The following AIG1 variants were observed in gnomAD, a reference collection of about 807,000 sequenced individuals.
AIG1 encodes androgen-induced gene 1 protein.
Under a neutral mutation model 31.4 loss-of-function variants are expected in AIG1, and 23 were observed. That is an observed-to-expected ratio of 0.73 (90% CI 0.53 to 1.04). The LOEUF (loss-of-function observed/expected upper bound fraction) is 1.04, where lower values mean the gene tolerates loss of function less well. AIG1 is among the 50% of genes least tolerant of loss of function. The pLI is 0.00. For missense variants in AIG1, 274 were observed against 295.0 expected (o/e 0.93, Z 0.52); for synonymous variants, 100 against 110.5 (o/e 0.90, Z 0.60).
At chr6:143,285,569 G>A (rs1274012360) in intron 4 of AIG1, among the ~76,000 whole-genome samples, 2 of 151,670 alleles carry the variant, frequency 1.3e-5, no homozygotes, top group Non-Finnish European at 2.9e-5. Flanking sequence ...AGGCTGAGGT[G>A]TTAAGAATCT....
At chr6:143,254,027 CG>C (rs1439437179) in intron 3 of AIG1, among the ~76,000 whole-genome samples, 1 of 152,178 alleles carries the variant, frequency 6.6e-6, no homozygotes, top group African/African-American at 2.4e-5. Context: ...TCAGCTCCCA[CG>C]GACCGTTTCC....
intron 1 of AIG1, among the ~76,000 whole-genome samples, chr6:143,089,920 G>A (rs920647965): frequency 6.6e-6 from 1 of 152,180 alleles, no homozygotes; most frequent in Non-Finnish European, 1.5e-5. Context: ...GTTTTGGAAG[G>A]ATCAAACTTT....
intron 1 of AIG1, among the ~76,000 whole-genome samples, chr6:143,106,354 C>G (rs1472234132): frequency 6.6e-6 from 1 of 152,152 alleles, no homozygotes; most frequent in Non-Finnish European, 1.5e-5. Context: ...CTTCTGGCCC[C>G]CAAAACTGTG....
intron 4 of AIG1, among the ~76,000 whole-genome samples, chr6:143,314,183 T>TTA (rs1775534961): frequency 3.2e-5 from 2 of 62,262 alleles, no homozygotes; most frequent in Admixed American, 4.7e-4. Context: ...AACCCATCTC[T>TTA]TAAAAAAAAA....
chr6:143,115,172 C>G (rs1420042181), intron 1 of AIG1, among the ~76,000 whole-genome samples: 1 of 152,190 alleles, frequency 6.6e-6, no homozygotes, highest in East Asian at 1.9e-4. Context: ...ACTAAACATT[C>G]TTATGCAGAA....
intron 1 of AIG1, 126 bp downstream of exon 1, chr6:143,061,192 C>A: frequency 8.5e-7 from 1 of 1,173,074 alleles, no homozygotes; most frequent in Non-Finnish European, 1.3e-6. Flanking sequence ...AGCATCCACC[C>A]GTGTCCTCGC....
chr6:143,076,442 ACTTAT>A (rs1777733045), intron 1 of AIG1, among the ~76,000 whole-genome samples: 1 of 152,074 alleles, frequency 6.6e-6, no homozygotes, highest in African/African-American at 2.4e-5. Context: ...TTTACTTTTA[ACTTAT>A]CTTTATAAAC....
chr6:143,263,699 T>A (rs1795965122), intron 3 of AIG1, among the ~76,000 whole-genome samples: 1 of 152,212 alleles, frequency 6.6e-6, no homozygotes, highest in Admixed American at 6.5e-5. Flanking sequence ...TAAATATGTT[T>A]TGATGTTCTT....
At chr6:143,101,764 T>G (rs1312001035) in intron 1 of AIG1, among the ~76,000 whole-genome samples, 1 of 152,116 alleles carries the variant, frequency 6.6e-6, no homozygotes, top group African/African-American at 2.4e-5. Context: ...AAAGAACTTA[T>G]TCATGTAACG....
At chr6:143,162,709 C>G (rs908280486) in intron 2 of AIG1, among the ~76,000 whole-genome samples, 1 of 152,154 alleles carries the variant, frequency 6.6e-6, no homozygotes, top group Non-Finnish European at 1.5e-5. Flanking sequence ...ACCTTTGGTC[C>G]TCACCCTCCA....
At position 143,330,377 on chromosome 6, in the gene AIG1, G is replaced by A. The variant is rs958356756; in HGVS notation, c.516-2905G>A. ...AAAGGTGACATTTGAGTGAAAACCC[G>A]AAGGACACAAGGGAGCCCAAGGGGA... On this transcript the variant is annotated intron_variant, in intron 4 of 5. Coordinates refer to ENST00000357847, the MANE Select transcript of AIG1 (RefSeq NM_016108.4). This position sits in a 1 kb window ranked among gnomAD's most constrained non-coding sequence, Gnocchi z 4.4. Among the ~76,000 whole-genome samples the A allele has an allele frequency of 2.0e-5, 3 of 152,136 alleles. No individual in the cohort carries two copies. The highest frequency in any genetic ancestry group is 2.9e-5 in the Non-Finnish European group (2 of 68,016).
At chr6:143,130,199 G>A (rs992464237) in intron 1 of AIG1, among the ~76,000 whole-genome samples, 1 of 151,782 alleles carries the variant, frequency 6.6e-6, no homozygotes, top group Non-Finnish European at 1.5e-5. Context: ...AAAGTGCTGG[G>A]ATTATAGGTG....
In AIG1 at chr6:143,246,388, AAG is replaced by A. The variant is rs558336950; in HGVS notation, c.400-37717_400-37716del. ...TCTTACATGGGTGGCAGCAGGCAAA[AAG>A]AGAGCCTGTGCAGGGAAACTCCCCC... is the stretch of plus-strand genomic sequence containing the variant. On this transcript the variant is annotated intron_variant, in intron 3 of 5. Transcript: ENST00000357847. Among the ~76,000 whole-genome samples the A allele has an allele frequency of 2.4e-3, 365 of 152,266 alleles. 1 individual carries two copies. Among genetic ancestry groups the A allele is most frequent in the African/African-American group, 8.2e-3 (340 of 41,558 alleles).
intron 3 of AIG1, among the ~76,000 whole-genome samples, chr6:143,246,879 T>C (rs1342055213): frequency 6.6e-6 from 1 of 152,024 alleles, no homozygotes; most frequent in Admixed American, 6.6e-5. Context: ...GCTTCAAAAA[T>C]AGAACAGAAA....
intron 1 of AIG1, among the ~76,000 whole-genome samples, chr6:143,114,935 A>C (rs1278537439): frequency 6.6e-6 from 1 of 152,238 alleles, no homozygotes; most frequent in African/African-American, 2.4e-5. Context: ...TAAAGTGCCC[A>C]GCACAGAGCC....
intron 3 of AIG1, among the ~76,000 whole-genome samples, chr6:143,174,099 G>T (rs1379283327): frequency 6.6e-6 from 1 of 152,126 alleles, no homozygotes; most frequent in Non-Finnish European, 1.5e-5. Context: ...TTAGGATTTT[G>T]ATATTTCCCT....
intron 3 of AIG1, among the ~76,000 whole-genome samples, chr6:143,169,333 A>G (rs1204044188): frequency 6.6e-6 from 1 of 152,158 alleles, no homozygotes. Flanking sequence ...ACATGTAATT[A>G]ACATAGTTAC....
At chr6:143,202,687 C>G (rs1286477929) in intron 3 of AIG1, among the ~76,000 whole-genome samples, 1 of 152,070 alleles carries the variant, frequency 6.6e-6, no homozygotes, top group Non-Finnish European at 1.5e-5. Context: ...TGCATTCCCT[C>G]GTGCCCCTGG....
intron 1 of AIG1, among the ~76,000 whole-genome samples, chr6:143,122,334 T>C (rs1782309932): frequency 6.6e-6 from 1 of 152,196 alleles, no homozygotes; most frequent in African/African-American, 2.4e-5. Context: ...TCTGTCCATG[T>C]ACAACTTTGA....
Sources: gnomAD v4.1 joint callset for allele counts (sites outside exome capture counted in the v4.1 genomes callset) on GRCh38, gnomAD v4.1.1 for gene constraint, Gnocchi (gnomAD v3.1) non-coding constraint, MANE v1.5 for transcripts, NCBI Gene and HGNC (gene_info 2026-07-23, HGNC 2026-07-21) for gene names.